The following YLPM1 variants were observed in gnomAD, a reference collection of about 807,000 sequenced individuals.
The protein encoded by YLPM1 is YLP motif containing 1, also known as YLP motif-containing protein 1.
In YLPM1, 99 loss-of-function variants were observed where a neutral mutation model predicts 230.0. The ratio of observed to expected loss-of-function variants is 0.43; its 90% confidence interval spans 0.37 to 0.51. The LOEUF is 0.51. Ranked by LOEUF, YLPM1 falls within the 20% of genes least tolerant of loss-of-function variation. The pLI is 0.00. For synonymous variants in YLPM1, 984 were observed against 942.5 expected (o/e 1.04, Z -0.81); for missense variants, 2,592 against 2,707.7 (o/e 0.96, Z 0.95).
intron 6 of YLPM1, among the ~76,000 whole-genome samples, chr14:74,803,121 T>G (rs1489920698): frequency 1.3e-5 from 2 of 151,996 alleles, no homozygotes; most frequent in African/African-American, 4.8e-5. Flanking sequence ...AGTCCTGTTT[T>G]CCATCTAGGC....
chr14:74,827,347 A>G, intron 18 of YLPM1: 1 of 985,418 alleles, frequency 1.0e-6, no homozygotes, highest in East Asian at 1.1e-4. Flanking sequence ...ACCTTATGCC[A>G]TCCATCTGTG....
At chr14:74,779,243 A>G (rs2091070370) in intron 2 of YLPM1, among the ~76,000 whole-genome samples, 1 of 152,178 alleles carries the variant, frequency 6.6e-6, no homozygotes, top group African/African-American at 2.4e-5. Context: ...AGATGCCAGC[A>G]TATGTTCATA....
intron 2 of YLPM1, among the ~76,000 whole-genome samples, chr14:74,779,601 G>A (rs1042112279): frequency 6.6e-5 from 10 of 151,468 alleles, no homozygotes; most frequent in Non-Finnish European, 1.5e-4. Flanking sequence ...AAAAGAAACG[G>A]ATTTTTCATA....
intron 5 of YLPM1, 84 bp downstream of exon 5, chr14:74,799,781 G>A: frequency 7.0e-7 from 1 of 1,438,056 alleles, no homozygotes; most frequent in South Asian, 1.5e-5. Flanking sequence ...ATATTTGAAT[G>A]GAATCATTTT....
intron 4 of YLPM1, among the ~76,000 whole-genome samples, chr14:74,796,398 C>G (rs1463697900): frequency 6.6e-6 from 1 of 152,176 alleles, no homozygotes; most frequent in Non-Finnish European, 1.5e-5. Context: ...GTGCCCTTGC[C>G]ACATACTTTC....
rs1299836944 is a variant in YLPM1, at chr14:74,764,014, C to T, written c.525C>T (p.Tyr175=). The change falls in exon 1 of 21, where the codon TAC becomes TAT. Residue 175 remains tyrosine (Y), a synonymous_variant. Coordinates refer to ENST00000325680, the MANE Select transcript of YLPM1 (RefSeq NM_019589.3). ...CACCTCAGCCGCCACCCTCTTACTA[C>T]CCCCCGACCTCATCTCAGCCCTACC... The part of the protein sequence containing the change: ...MPPPQPPPSY[Y]PPTSSQPYLP... The T allele has an allele frequency of 3.1e-6, 5 of 1,604,148 alleles. No homozygotes were observed. Among genetic ancestry groups the T allele is most frequent in the Non-Finnish European group, 4.3e-6 (5 of 1,175,328 alleles).
chr14:74,814,111 C>T lies in YLPM1; in HGVS notation c.5502+1329C>T, dbSNP rs372741279. 2.6e-5 allele frequency among the ~76,000 whole-genome samples: 4 copies of T among 152,292 alleles called. No individual in the cohort carries two copies. In the East Asian group the frequency reaches 7.7e-4, roughly 29 times the overall value. On this transcript the variant is annotated intron_variant, in intron 11 of 20. Coordinates refer to ENST00000325680, the MANE Select transcript of YLPM1 (RefSeq NM_019589.3). ...GTGTGGTGGCTCACGCCTGTAATCC[C>T]AGCACTTTGGGAGGCTGAGATGGGC...
Position 74,763,963 on chromosome 14 carries a change from GC to G in YLPM1, c.479del (p.Pro160HisfsTer59). ...CCCCTGTGCCGCCTGGGTCCTATAT[GC>G]CCCCATCTCAGTCTTACATGCCCCC... is the stretch of plus-strand genomic sequence containing the variant. Reference protein sequence around the residue: ...SPPVPPGSYMPPSQSYMPPPQ... With the variant: ...SPPVPPGSYMXPSQSYMPPPQ... On this transcript the variant is annotated frameshift_variant, in exon 1 of 21. Transcript: ENST00000325680. LOFTEE classifies it high-confidence loss of function. 1 of 1,511,126 alleles carries G rather than the reference GC, an allele frequency of 6.6e-7. No homozygotes were observed. The highest frequency in any genetic ancestry group is 1.8e-4 in the Middle Eastern group (1 of 5,516). The allele number at this position is 1,511,126 out of a possible 1,614,324, so 93.6% of individuals were successfully genotyped here. A position where few individuals can be genotyped will look rare whatever the true frequency, so the allele number is the denominator to read the frequency against.
chr14:74,769,259 CTTTTT>C (rs34023289), intron 1 of YLPM1, among the ~76,000 whole-genome samples: 12 of 38,400 alleles, frequency 3.1e-4, no homozygotes, highest in African/African-American at 8.1e-4. Flanking sequence ...GTATTTTTAT[CTTTTT>C]TTTTTTTTTT....
At chr14:74,768,352 C>T (rs1376604670) in intron 1 of YLPM1, among the ~76,000 whole-genome samples, 1 of 152,044 alleles carries the variant, frequency 6.6e-6, no homozygotes, top group Admixed American at 6.6e-5. Context: ...TGGGTTCAAA[C>T]AATTCTGCCC....
chr14:74,827,959 A>T, intron 18 of YLPM1: 1 of 983,208 alleles, frequency 1.0e-6, no homozygotes, highest in Non-Finnish European at 1.2e-6. Context: ...GATGATTAAA[A>T]TTTTTGTGAG....
intron 11 of YLPM1, among the ~76,000 whole-genome samples, chr14:74,814,238 G>T (rs544343857): frequency 6.6e-6 from 1 of 152,168 alleles, no homozygotes; most frequent in South Asian, 2.1e-4. Context: ...GCAGGCACCT[G>T]TAGTCCCAGC....
At position 74,778,699 on chromosome 14, in the gene YLPM1, A is replaced by G; in HGVS notation, c.1110+16A>G. On this transcript the variant is annotated intron_variant, in intron 2 of 20. Coordinates refer to ENST00000325680, the MANE Select transcript of YLPM1 (RefSeq NM_019589.3). ...GGAACCCCAGGTAACCATATAATTA[A>G]TTGTTTGTGTTTATTAAATTATTTA... is the stretch of plus-strand genomic sequence containing the variant. 6.5e-7 allele frequency: 1 copy of G among 1,530,006 alleles called. No individual in the cohort carries two copies. Among genetic ancestry groups the G allele is most frequent in the Non-Finnish European group, 8.8e-7 (1 of 1,134,854 alleles). 94.8% of individuals were successfully genotyped at this position (1,530,006 alleles called of 1,614,324 possible). A position where few individuals can be genotyped will look rare whatever the true frequency, so the allele number is the denominator to read the frequency against.
chr14:74,775,358 TAAC>T (rs1235561348), intron 1 of YLPM1, among the ~76,000 whole-genome samples: 1 of 152,198 alleles, frequency 6.6e-6, no homozygotes, highest in Non-Finnish European at 1.5e-5. Flanking sequence ...GAAAAGTAGG[TAAC>T]AAATCAGTAT....
Position 74,781,845 on chromosome 14 carries a change from C to T in YLPM1, c.1802C>T (p.Pro601Leu), listed in dbSNP as rs1388320418. ...CCACCTTCCCTGTCTTCTGCAGGGCCACCACCAGTTCTTCCCCCACCATCT... is the reference window on the plus strand; with the variant it reads ...CCACCTTCCCTGTCTTCTGCAGGGCTACCACCAGTTCTTCCCCCACCATCT... The part of the protein sequence containing the change: ...LPPPSLSSAG[P>L]PPVLPPPSLS... The change falls in exon 4 of 21, where the codon CCA becomes CTA. Residue 601 changes from proline (P) to leucine (L), a missense_variant. Around this residue, in one of 4 missense-constraint regions of YLPM1, gnomAD observed 1,862 missense variants for 1,819.8 expected, o/e 1.02. Transcript: ENST00000325680. 6.2e-7 allele frequency: 1 copy of T among 1,612,484 alleles called. No individual in the cohort carries two copies. The highest frequency in any genetic ancestry group is 1.1e-5 in the South Asian group (1 of 90,880).
In YLPM1 at chr14:74,836,515, CTT is replaced by C. The variant is rs1594851808; in HGVS notation, c.*778_*779del. ...TGATCCTCTCTCTGTTCTTCCCTCT[CTT>C]CTTTCCTTCCTTCTTCTTTTCACTT... is the stretch of plus-strand genomic sequence containing the variant. On this transcript the variant is annotated 3_prime_UTR_variant, in exon 21 of 21. Transcript: ENST00000325680. 1 of 152,208 alleles carries C rather than the reference CTT, an allele frequency of 6.6e-6. No homozygotes were observed. The highest frequency in any genetic ancestry group is 1.5e-5 in the Non-Finnish European group (1 of 68,044). 9.4% of individuals were successfully genotyped at this position (152,208 alleles called of 1,614,324 possible). A position where few individuals can be genotyped will look rare whatever the true frequency, so the allele number is the denominator to read the frequency against.
chr14:74,804,542 G>C (rs2091358243), intron 6 of YLPM1, among the ~76,000 whole-genome samples: 1 of 152,190 alleles, frequency 6.6e-6, no homozygotes, highest in Non-Finnish European at 1.5e-5. Flanking sequence ...TCTAAGCCTA[G>C]AGTCTTTTCT....
At chr14:74,827,116 A>G (rs1343870907) in intron 18 of YLPM1, among the ~76,000 whole-genome samples, 1 of 152,206 alleles carries the variant, frequency 6.6e-6, no homozygotes, top group East Asian at 1.9e-4. Context: ...AATACCATTT[A>G]CATTTAGAAA....
At chr14:74,802,778 T>C in intron 6 of YLPM1, 102 bp downstream of exon 6, 20 of 1,383,292 alleles carry the variant, frequency 1.4e-5, no homozygotes, top group Non-Finnish European at 1.8e-5. Context: ...AAATTTCCTC[T>C]ATAAAATGTA....
Sources: allele counts gnomAD v4.1 joint callset (sites outside exome capture counted in the v4.1 genomes callset), GRCh38; gene constraint gnomAD v4.1.1; regional missense constraint gnomAD v4.1.1; transcripts MANE v1.5; gene names NCBI Gene and HGNC (gene_info 2026-07-23, HGNC 2026-07-21).